KLF7: variants seen among roughly 807,000 people sequenced by gnomAD.
The protein encoded by KLF7 is KLF transcription factor 7.
KLF7 carries 2 observed loss-of-function variants against 27.3 expected under a neutral mutation model. That is an observed-to-expected ratio of 0.07 (90% CI 0.03 to 0.23). The LOEUF (loss-of-function observed/expected upper bound fraction) is 0.23, where lower values mean the gene tolerates loss of function less well. KLF7 is among the 10% of genes least tolerant of loss of function. The pLI is 1.00. For synonymous variants in KLF7, 165 were observed against 162.4 expected (o/e 1.02, Z -0.12); for missense variants, 221 against 394.1 (o/e 0.56, Z 3.72).
chr2:207,141,950 C>T (rs1053293753), intron 1 of KLF7, among the ~76,000 whole-genome samples: 12 of 151,954 alleles, frequency 7.9e-5, no homozygotes, highest in African/African-American at 2.7e-4. Context: ...CACTTTCATT[C>T]GGCCCTGCTC....
At chr2:207,148,162 C>T (rs2106093282) in intron 1 of KLF7, among the ~76,000 whole-genome samples, 1 of 152,234 alleles carries the variant, frequency 6.6e-6, no homozygotes, top group East Asian at 1.9e-4. Context: ...GGCAAAAATC[C>T]AGCTGCATAC....
rs148107145 is a variant in KLF7 at position 207,117,014 on chromosome 2, G to A, written c.733+6760C>T. On this transcript the variant is annotated intron_variant, in intron 2 of 3. Transcript: ENST00000309446. ...ACTAGTGTATGTACAGTGGGTGTTC[G>A]AAAATATTGTTTATGATGAAATACT... 1.3e-4 allele frequency among the ~76,000 whole-genome samples: 20 copies of A among 152,216 alleles called. No homozygotes were observed. In the East Asian group the frequency reaches 2.7e-3, roughly 21 times the overall value.
chr2:207,113,886 T>C (rs142542677), intron 2 of KLF7, among the ~76,000 whole-genome samples: 21 of 152,234 alleles, frequency 1.4e-4, no homozygotes, highest in African/African-American at 3.6e-4. Context: ...CCCAGAGAAA[T>C]TGGAGGAACT....
At chr2:207,161,190 C>T (rs2078535314) in intron 1 of KLF7, among the ~76,000 whole-genome samples, 1 of 152,174 alleles carries the variant, frequency 6.6e-6, no homozygotes, top group Admixed American at 6.5e-5. Flanking sequence ...TGATTGCAGT[C>T]ACATGTGCTT....
intron 2 of KLF7, 55 bp from the exon 3 acceptor site, chr2:207,088,636 C>T: frequency 6.3e-7 from 1 of 1,580,996 alleles, no homozygotes; most frequent in Non-Finnish European, 8.6e-7. Flanking sequence ...AGGGATTACA[C>T]CCAACCAGCC....
At chr2:207,111,261 C>T (rs2077029545) in intron 2 of KLF7, among the ~76,000 whole-genome samples, 1 of 152,132 alleles carries the variant, frequency 6.6e-6, no homozygotes, top group Non-Finnish European at 1.5e-5. Context: ...TGTGACTCTC[C>T]CATTCCTGCT....
chr2:207,162,125 A>G (rs1559172890), intron 1 of KLF7, among the ~76,000 whole-genome samples: 1 of 152,236 alleles, frequency 6.6e-6, no homozygotes, highest in East Asian at 1.9e-4. Context: ...AGAAAATAAA[A>G]GCATTGTATC....
chr2:207,119,983 C>T (rs912032172), intron 2 of KLF7, among the ~76,000 whole-genome samples: 1 of 152,148 alleles, frequency 6.6e-6, no homozygotes, highest in East Asian at 1.9e-4. Flanking sequence ...CGTGAGCCAC[C>T]GCACCTGGCC....
chr2:207,160,485 A>G (rs2078514580), intron 1 of KLF7, among the ~76,000 whole-genome samples: 1 of 152,182 alleles, frequency 6.6e-6, no homozygotes, highest in Non-Finnish European at 1.5e-5. Context: ...CCATTGCACA[A>G]TACTATAAAA....
At chr2:207,100,163 A>C (rs2076732869) in intron 2 of KLF7, among the ~76,000 whole-genome samples, 1 of 152,132 alleles carries the variant, frequency 6.6e-6, no homozygotes, top group Non-Finnish European at 1.5e-5. Context: ...CAAATTAGAT[A>C]ATTTATATCC....
chr2:207,140,975 T>G (rs1320259167), intron 1 of KLF7, among the ~76,000 whole-genome samples: 1 of 152,190 alleles, frequency 6.6e-6, no homozygotes, highest in Non-Finnish European at 1.5e-5. Flanking sequence ...TCAGGATGAC[T>G]TCTGCCTGCT....
At chr2:207,155,522 A>C (rs2106120680) in intron 1 of KLF7, among the ~76,000 whole-genome samples, 1 of 152,368 alleles carries the variant, frequency 6.6e-6, no homozygotes, top group South Asian at 2.1e-4. Flanking sequence ...AGCCCTTCAG[A>C]ACAAAGGCTC....
chr2:207,091,545 T>C (rs1341018143), intron 2 of KLF7, among the ~76,000 whole-genome samples: 2 of 152,214 alleles, frequency 1.3e-5, no homozygotes, highest in Non-Finnish European at 2.9e-5. Context: ...TCTGGCTAGT[T>C]TACTGACAAG....
At chr2:207,162,116 G>A (rs1283108037) in intron 1 of KLF7, among the ~76,000 whole-genome samples, 1 of 152,062 alleles carries the variant, frequency 6.6e-6, no homozygotes, top group Non-Finnish European at 1.5e-5. Flanking sequence ...TATTCAAGAA[G>A]AAAATAAAAG....
At chr2:207,098,474 G>C (rs911122422) in intron 2 of KLF7, among the ~76,000 whole-genome samples, 1 of 152,026 alleles carries the variant, frequency 6.6e-6, no homozygotes, top group Admixed American at 6.6e-5. Flanking sequence ...AATTCAATTT[G>C]ATGTATTAAA....
intron 2 of KLF7, among the ~76,000 whole-genome samples, chr2:207,115,512 G>T (rs1434363508): frequency 6.6e-6 from 1 of 152,208 alleles, no homozygotes; most frequent in Non-Finnish European, 1.5e-5. Context: ...TCCATCAGTG[G>T]TTGGCTGAAT....
At chr2:207,114,801 T>G (rs550063693) in intron 2 of KLF7, among the ~76,000 whole-genome samples, 2 of 152,368 alleles carry the variant, frequency 1.3e-5, no homozygotes, top group African/African-American at 4.8e-5. Context: ...CTTTCTCAGC[T>G]AAGGATGGCT....
At chr2:207,147,010 T>G (rs1467559514) in intron 1 of KLF7, among the ~76,000 whole-genome samples, 2 of 152,194 alleles carry the variant, frequency 1.3e-5, no homozygotes, top group Non-Finnish European at 2.9e-5. Context: ...AAATTGAGAC[T>G]GCACTTGCCA....
chr2:207,100,588 A>G (rs2076742929), intron 2 of KLF7, among the ~76,000 whole-genome samples: 1 of 152,150 alleles, frequency 6.6e-6, no homozygotes, highest in Non-Finnish European at 1.5e-5. Context: ...ATCCCTAGAC[A>G]GCCCCCGCTC....
Sources: gnomAD v4.1 joint callset for allele counts (sites outside exome capture counted in the v4.1 genomes callset) on GRCh38, gnomAD v4.1.1 for gene constraint, MANE v1.5 for transcripts, NCBI Gene and HGNC (gene_info 2026-07-23, HGNC 2026-07-21) for gene names.